CRYBG3: variants seen among roughly 807,000 people sequenced by gnomAD.
CRYBG3 encodes the protein very large A-kinase anchor protein.
In CRYBG3, 127 loss-of-function variants were observed where a neutral mutation model predicts 244.2. The observed-to-expected ratio is 0.52, with a 90% CI of 0.45 to 0.60. The LOEUF (loss-of-function observed/expected upper bound fraction) is 0.60, where lower values mean the gene tolerates loss of function less well. Ranked by LOEUF, CRYBG3 falls within the 20% of genes least tolerant of loss-of-function variation. The pLI, the probability that CRYBG3 is intolerant of heterozygous loss-of-function variation, is 0.00. For synonymous variants in CRYBG3, 1,132 were observed against 1,195.8 expected, an observed-to-expected ratio of 0.95 and a Z score of 1.10; for missense variants, 3,325 against 3,442.5, an observed-to-expected ratio of 0.97 and a Z score of 0.85.
intron 2 of CRYBG3, among the ~76,000 whole-genome samples, chr3:97,848,454 A>G (rs949484919): frequency 7.9e-5 from 12 of 151,840 alleles, no homozygotes; most frequent in Non-Finnish European, 5.9e-5. Flanking sequence ...GGCACGTGCC[A>G]CCACTCTCGG....
intron 15 of CRYBG3, among the ~76,000 whole-genome samples, chr3:97,902,047 GCTTA>G (rs1270464908): frequency 1.3e-5 from 2 of 152,098 alleles, no homozygotes; most frequent in East Asian, 3.8e-4. Flanking sequence ...TCTTGTTTAT[GCTTA>G]CTTAAACAAA....
At chr3:97,892,652 C>G (rs564490108) in intron 10 of CRYBG3, among the ~76,000 whole-genome samples, 1 of 152,074 alleles carries the variant, frequency 6.6e-6, no homozygotes, top group African/African-American at 2.4e-5. Context: ...TGTGTTATAA[C>G]AAGTTAGTAG....
At chr3:97,910,718 A>T (rs1291094105) in intron 15 of CRYBG3, among the ~76,000 whole-genome samples, 1 of 151,948 alleles carries the variant, frequency 6.6e-6, no homozygotes, top group African/African-American at 2.4e-5. Context: ...TGCGTCACTC[A>T]CGCTGGGAGC....
At chr3:97,849,927 A>T (rs756012404) in intron 2 of CRYBG3, among the ~76,000 whole-genome samples, 89 of 151,838 alleles carry the variant, frequency 5.9e-4, no homozygotes, top group Non-Finnish European at 1.1e-3. Flanking sequence ...CTCTTTGTAT[A>T]CCTGCCCTGG....
chr3:97,943,059 T>G, intron 21 of CRYBG3, 167 bp from the exon 22 acceptor site: 1 of 577,178 alleles, frequency 1.7e-6, no homozygotes, highest in East Asian at 2.9e-5. Context: ...CAATTTGAGG[T>G]GAATAATGGC....
intron 15 of CRYBG3, among the ~76,000 whole-genome samples, chr3:97,904,440 G>A (rs372132684): frequency 2.5e-4 from 38 of 152,080 alleles, no homozygotes; most frequent in Middle Eastern, 3.4e-3. Context: ...TGATTTTTCC[G>A]GGTATGAAGA....
rs1183344950 is a variant in CRYBG3, at chr3:97,873,270, T to C, written c.2076T>C (p.Gly692=). 6.5e-7 allele frequency: 1 copy of C among 1,535,106 alleles called. No homozygotes were observed. The highest frequency in any genetic ancestry group is 1.2e-5 in the South Asian group (1 of 83,872). The change falls in exon 4 of 22, where the codon GGT becomes GGC. Residue 692 remains glycine (G), a synonymous_variant. Coordinates refer to ENST00000389622, the MANE Select transcript of CRYBG3 (RefSeq NM_153605.4). ...AAACTGGGAATGTCAACATTGTTGGTATTTCCTATCAGCCTAGGAAGTGTA... is the reference window on the plus strand; with the variant it reads ...AAACTGGGAATGTCAACATTGTTGGCATTTCCTATCAGCCTAGGAAGTGTA... ...PIETGNVNIV[G]ISYQPRKCKE... is the part of the protein sequence containing the mutation.
intron 15 of CRYBG3, among the ~76,000 whole-genome samples, chr3:97,904,484 T>C (rs1332362910): frequency 1.3e-5 from 2 of 152,096 alleles, no homozygotes; most frequent in African/African-American, 4.8e-5. Context: ...CTACTGTATA[T>C]ACCATCTGAA....
At chr3:97,931,671 T>C (rs1321276625) in intron 17 of CRYBG3, among the ~76,000 whole-genome samples, 3 of 152,068 alleles carry the variant, frequency 2.0e-5, no homozygotes, top group South Asian at 4.1e-4. Context: ...CTGATTTCTT[T>C]ATATATAACC....
intron 2 of CRYBG3, 87 bp from the exon 3 acceptor site, chr3:97,864,130 C>A: frequency 9.3e-7 from 1 of 1,074,784 alleles, no homozygotes; most frequent in Non-Finnish European, 1.3e-6. Context: ...TCCCTGGTGT[C>A]TACACAGAAT....
chr3:97,874,472 C>G lies in CRYBG3; in HGVS notation c.3278C>G (p.Thr1093Arg), dbSNP rs2039346048. The change falls in exon 4 of 22, where the codon ACA becomes AGA. Residue 1093 changes from threonine to arginine, a missense_variant. Around this residue, in one of 4 missense-constraint regions of CRYBG3, gnomAD observed 1,526 missense variants for 1,443.2 expected, o/e 1.06. Transcript: ENST00000389622. Reference protein sequence around the residue: ...LDSIQVTKDLTHEGTSVTNLL... With the variant: ...LDSIQVTKDLRHEGTSVTNLL... ...TCTATACAAGTTACCAAAGATCTCA[C>G]ACATGAAGGTACCTCTGTAACTAAC... 1 of 1,534,082 alleles carries G rather than the reference C, an allele frequency of 6.5e-7. No individual in the cohort carries two copies. Among genetic ancestry groups the G allele is most frequent in the Non-Finnish European group, 8.7e-7 (1 of 1,146,142 alleles).
At chr3:97,889,785 T>A (rs2039553795) in intron 10 of CRYBG3, among the ~76,000 whole-genome samples, 3 of 151,954 alleles carry the variant, frequency 2.0e-5, no homozygotes. Flanking sequence ...CAAAAGGAAG[T>A]GTAGGTAGCT....
Position 97,877,893 on chromosome 3 carries a change from A to G in CRYBG3, c.6699A>G (p.Leu2233=), listed in dbSNP as rs965735766. ...SDLTSKLHSS[L]KSAYHQYLQT... ...TTACTTCTAAACTACATTCTTCTTT[A>G]AAGAGTGCTTATCATCAGTATCTGC... Residue 2233 remains leucine, a synonymous_variant, in exon 4 of 22, where the codon TTA becomes TTG. Transcript: ENST00000389622. 2.5e-6 allele frequency: 4 copies of G among 1,614,132 alleles called. No homozygotes were observed. The highest frequency in any genetic ancestry group is 3.4e-6 in the Non-Finnish European group (4 of 1,180,012).
chr3:97,827,809 A>C (rs1179816618), intron 1 of CRYBG3, among the ~76,000 whole-genome samples: 1 of 152,186 alleles, frequency 6.6e-6, no homozygotes, highest in Admixed American at 6.5e-5. Context: ...TTGGTAGTAG[A>C]GTCAAGAGTC....
chr3:97,928,222 A>T (rs2040061059), intron 17 of CRYBG3, among the ~76,000 whole-genome samples: 1 of 152,034 alleles, frequency 6.6e-6, no homozygotes. Context: ...TGCAGCCATA[A>T]AAAAAGCAGA....
rs906337239 is a variant in CRYBG3 at position 97,825,459 on chromosome 3, C to A, written c.149+3104C>A. Among the ~76,000 whole-genome samples the A allele has an allele frequency of 7.2e-5, 11 of 152,188 alleles. No individual in the cohort carries two copies. In the East Asian group the frequency reaches 2.1e-3, roughly 29 times the overall value. On this transcript the variant is annotated intron_variant, in intron 1 of 21. Coordinates refer to ENST00000389622, the MANE Select transcript of CRYBG3 (RefSeq NM_153605.4). Reference sequence around the variant, plus strand: ...CTGGGCTGGGTACTTTTACTTGCAACGTATCATGTAAATCTCACACTCAGT... The same window carrying A: ...CTGGGCTGGGTACTTTTACTTGCAAAGTATCATGTAAATCTCACACTCAGT...
chr3:97,890,324 A>C (rs1186870579), intron 10 of CRYBG3, among the ~76,000 whole-genome samples: 2 of 152,180 alleles, frequency 1.3e-5, no homozygotes, highest in Non-Finnish European at 2.9e-5. Flanking sequence ...ATTTGCAGTC[A>C]AGATGTAAAA....
At position 97,877,266 on chromosome 3, in the gene CRYBG3, CT is replaced by C. The variant is rs760158199; in HGVS notation, c.6074del (p.Leu2025CysfsTer34). ...CAGAAGCAAGACAAACACAGTCTGT[CT>C]TGTTTCATGATACGTCCGCTGACAG... ...SAEARQTQSV[L>X]FHDTSADSMP... On this transcript the variant is annotated frameshift_variant, in exon 4 of 22. Transcript: ENST00000389622. LOFTEE classifies it high-confidence loss of function. 1 of 1,613,992 alleles carries C rather than the reference CT, an allele frequency of 6.2e-7. No individual in the cohort carries two copies. The highest frequency in any genetic ancestry group is 8.5e-7 in the Non-Finnish European group (1 of 1,179,930).
At chr3:97,909,029 A>G (rs1375466491) in intron 15 of CRYBG3, among the ~76,000 whole-genome samples, 2 of 152,064 alleles carry the variant, frequency 1.3e-5, no homozygotes, top group Non-Finnish European at 2.9e-5. Flanking sequence ...CTGGATATGA[A>G]ATTCTGGGTT....
Sources: gnomAD v4.1 joint callset for allele counts (sites outside exome capture counted in the v4.1 genomes callset) on GRCh38, gnomAD v4.1.1 for gene constraint, gnomAD v4.1.1 regional missense constraint, MANE v1.5 for transcripts, NCBI Gene and HGNC (gene_info 2026-07-23, HGNC 2026-07-21) for gene names.